TSC22D1: variants seen among roughly 807,000 people sequenced by gnomAD.
The protein encoded by TSC22D1 is TSC22 domain family protein 1.
In TSC22D1, 9 loss-of-function variants were observed where a neutral mutation model predicts 74.2. The ratio of observed to expected loss-of-function variants is 0.12; its 90% confidence interval spans 0.07 to 0.21. The LOEUF (loss-of-function observed/expected upper bound fraction) is 0.21. Among genes scored for constraint, TSC22D1 ranks in the 10% least tolerant of loss-of-function variants. The probability of loss-of-function intolerance (pLI) is 1.00; values close to 1 mark genes in which losing one functional copy is unlikely to be tolerated. For missense variants in TSC22D1, 1,427 were observed against 1,304.7 expected (o/e 1.09, Z -1.44); for synonymous variants, 586 against 492.5 (o/e 1.19, Z -2.51).
intron 1 of TSC22D1, among the ~76,000 whole-genome samples, chr13:44,492,925 G>T (rs1459261682): frequency 1.3e-5 from 2 of 151,956 alleles, no homozygotes; most frequent in African/African-American, 4.8e-5. Flanking sequence ...CTCCCTTGTA[G>T]CTCTTGGCAT....
chr13:44,433,699 A>T lies in TSC22D1; in HGVS notation c.*927T>A. ...CATTAGTTAGAACTGAGCATTTTTC[A>T]AAGTATTCAACCAGCTCAATTGAAA... On this transcript the variant is annotated 3_prime_UTR_variant, in exon 3 of 3. Transcript: ENST00000458659. 1 of 407,624 alleles carries T rather than the reference A, an allele frequency of 2.5e-6. No homozygotes were observed. Among genetic ancestry groups the T allele is most frequent in the Middle Eastern group, 6.6e-4 (1 of 1,508 alleles). The allele number at this position is 407,624 out of a possible 1,614,324, so 25.3% of individuals were successfully genotyped here. A position where few individuals can be genotyped will look rare whatever the true frequency, so the allele number is the denominator to read the frequency against.
intron 1 of TSC22D1, among the ~76,000 whole-genome samples, chr13:44,440,961 A>G (rs756208491): frequency 1.3e-5 from 2 of 152,246 alleles, no homozygotes; most frequent in African/African-American, 4.8e-5. Context: ...TTCTGAGAGA[A>G]AAGAGTTTTT....
rs1238665494 is a variant in TSC22D1, at chr13:44,575,725, G to A, written c.350C>T (p.Thr117Ile). 7 of 1,614,084 alleles carry A rather than the reference G, an allele frequency of 4.3e-6. No homozygotes were observed. Among genetic ancestry groups the A allele is most frequent in the Non-Finnish European group, 5.1e-6 (6 of 1,180,040 alleles). Reference sequence around the variant, plus strand: ...GATACTAGCGGAGATCTGAGCAGGAGTAACGCTAGTTATCTGGAAGCCACT... The same window carrying A: ...GATACTAGCGGAGATCTGAGCAGGAATAACGCTAGTTATCTGGAAGCCACT... ...KKSGFQITSV[T>I]PAQISASISS... The change falls in exon 1 of 3, where the codon ACT becomes ATT. Residue 117 changes from threonine (T) to isoleucine (I), a missense_variant. Around this residue, in one of 3 missense-constraint regions of TSC22D1, gnomAD observed 1,343 missense variants for 1,191.5 expected, o/e 1.13. Transcript: ENST00000458659.
chr13:44,455,612 C>T (rs918926791), intron 1 of TSC22D1, among the ~76,000 whole-genome samples: 1 of 152,184 alleles, frequency 6.6e-6, no homozygotes, highest in South Asian at 2.1e-4. Context: ...TAAGTCAGGT[C>T]CTCCTGTAGA....
intron 1 of TSC22D1, among the ~76,000 whole-genome samples, chr13:44,493,467 AACC>A (rs1878816971): frequency 6.6e-6 from 1 of 152,210 alleles, no homozygotes; most frequent in South Asian, 2.1e-4. Context: ...CAAATGAACA[AACC>A]ACCGTCACCT....
intron 1 of TSC22D1, among the ~76,000 whole-genome samples, chr13:44,543,363 T>TA (rs778229427): frequency 9.2e-5 from 14 of 152,362 alleles, no homozygotes; most frequent in Non-Finnish European, 2.1e-4. Context: ...GACTGATTTC[T>TA]ACTCAAATGT....
At chr13:44,538,044 CAATT>C (rs1881253669) in intron 1 of TSC22D1, 7 of 985,086 alleles carry the variant, frequency 7.1e-6, no homozygotes, top group Non-Finnish European at 7.2e-6. Context: ...CTACTTCAAT[CAATT>C]AATTGACAGC....
At chr13:44,462,150 A>G (rs1384946930) in intron 1 of TSC22D1, among the ~76,000 whole-genome samples, 2 of 152,252 alleles carry the variant, frequency 1.3e-5, no homozygotes, top group Non-Finnish European at 2.9e-5. Context: ...TGTATTATAC[A>G]GAAACCATTA....
chr13:44,457,714 G>A (rs976445935), intron 1 of TSC22D1, among the ~76,000 whole-genome samples: 4 of 147,882 alleles, frequency 2.7e-5, no homozygotes, highest in African/African-American at 1.0e-4. Flanking sequence ...AAAGGAAATC[G>A]CTAAATCCTG....
intron 1 of TSC22D1, chr13:44,536,944 A>G: frequency 1.1e-6 from 1 of 934,074 alleles, no homozygotes; most frequent in Non-Finnish European, 1.3e-6. Context: ...AAAAAAAAAA[A>G]AAAAAAAAAA....
At chr13:44,484,653 C>T (rs1273457308) in intron 1 of TSC22D1, among the ~76,000 whole-genome samples, 1 of 152,144 alleles carries the variant, frequency 6.6e-6, no homozygotes, top group African/African-American at 2.4e-5. Flanking sequence ...TATGGCCCAA[C>T]GCAAACCCTA....
chr13:44,474,562 A>T (rs989567408), intron 1 of TSC22D1, among the ~76,000 whole-genome samples: 7 of 152,206 alleles, frequency 4.6e-5, no homozygotes, highest in African/African-American at 1.7e-4. Flanking sequence ...TTTCGTCTTG[A>T]TCCCAAAATC....
intron 1 of TSC22D1, among the ~76,000 whole-genome samples, chr13:44,479,552 C>T (rs943696965): frequency 3.2e-4 from 48 of 152,108 alleles, no homozygotes; most frequent in African/African-American, 1.1e-3. Flanking sequence ...ATCCTTAAAA[C>T]TTAATTATCT....
chr13:44,434,911 T>C, intron 2 of TSC22D1, 28 bp from the exon 3 acceptor site: 2 of 1,576,628 alleles, frequency 1.3e-6, no homozygotes, highest in Non-Finnish European at 1.7e-6. Flanking sequence ...AAGGTTTAAC[T>C]CATTATTTGG....
chr13:44,448,840 A>C (rs1419676265), intron 1 of TSC22D1, among the ~76,000 whole-genome samples: 1 of 152,098 alleles, frequency 6.6e-6, no homozygotes, highest in Non-Finnish European at 1.5e-5. Flanking sequence ...ATAGAACCAA[A>C]TGCTGATTCA....
rs1480864777 is a variant in TSC22D1 at position 44,573,899 on chromosome 13, C to A, written c.2176G>T (p.Gly726Cys). Residue 726 changes from glycine to cysteine, a missense_variant, in exon 1 of 3, where the codon GGC becomes TGC. Gly to Cys is a radical substitution (Grantham distance 159). Coordinates refer to ENST00000458659, the MANE Select transcript of TSC22D1 (RefSeq NM_183422.4). ...TGACCAATATTTGCAATCTGACTGCCAGTAGGTACAGCAGACACTGCTGCC... is the reference window on the plus strand; with the variant it reads ...TGACCAATATTTGCAATCTGACTGCAAGTAGGTACAGCAGACACTGCTGCC... ...APAAVSAVPT[G>C]SQIANIGQQA... The A allele has an allele frequency of 6.2e-7, 1 of 1,614,050 alleles. No individual in the cohort carries two copies. Among genetic ancestry groups the A allele is most frequent in the East Asian group, 2.2e-5 (1 of 44,902 alleles).
At position 44,575,792 on chromosome 13, in the gene TSC22D1, C is replaced by A; in HGVS notation, c.283G>T (p.Ala95Ser). Residue 95 changes from alanine (A) to serine (S), a missense_variant, in exon 1 of 3, where the codon GCA (alanine) becomes TCA (serine). By Grantham distance (99) the Ala-to-Ser change is moderately conservative. This residue lies in a region of TSC22D1 where 1,343 missense variants were observed against 1,191.5 expected (regional missense o/e 1.13). Coordinates refer to ENST00000458659, the MANE Select transcript of TSC22D1 (RefSeq NM_183422.4). ...LNLLSQAQLQ[A>S]QPLAPGGTQM... The stretch of plus-strand genomic sequence containing the variant: ...GTTCCGCCTGGCGCAAGAGGCTGTG[C>A]CTGCAGCTGAGCCTGCGAAAGGAGG... 6.2e-7 allele frequency: 1 copy of A among 1,614,148 alleles called. No homozygotes were observed. Among genetic ancestry groups the A allele is most frequent in the South Asian group, 1.1e-5 (1 of 91,074 alleles).
At chr13:44,565,404 G>GC (rs1456618966) in intron 1 of TSC22D1, among the ~76,000 whole-genome samples, 1 of 152,150 alleles carries the variant, frequency 6.6e-6, no homozygotes, top group East Asian at 1.9e-4. Flanking sequence ...GTGCTGAAAG[G>GC]TCAAGATTTC....
chr13:44,562,877 G>A (rs1883137807), intron 1 of TSC22D1, among the ~76,000 whole-genome samples: 1 of 152,090 alleles, frequency 6.6e-6, no homozygotes, highest in Admixed American at 6.6e-5. Flanking sequence ...GGGCCCAGGT[G>A]GGTGGATCAC....
Sources: gnomAD v4.1 joint callset for allele counts (sites outside exome capture counted in the v4.1 genomes callset) on GRCh38, gnomAD v4.1.1 for gene constraint, gnomAD v4.1.1 regional missense constraint, MANE v1.5 for transcripts, NCBI Gene and HGNC (gene_info 2026-07-23, HGNC 2026-07-21) for gene names.